Variants in CLNK observed in about 807,000 individuals in gnomAD.
CLNK encodes the protein cytokine dependent hematopoietic cell linker.
CLNK carries 74 observed loss-of-function variants against 68.6 expected under a neutral mutation model. The observed-to-expected ratio is 1.08, with a 90% CI of 0.89 to 1.31. CLNK has a LOEUF of 1.31. Among genes scored for constraint, CLNK ranks in the 50% most tolerant of loss-of-function variants. The pLI, the probability that CLNK is intolerant of heterozygous loss-of-function variation, is 0.00. For missense variants in CLNK, 553 were observed against 515.3 expected, an observed-to-expected ratio of 1.07 and a Z score of -0.71; for synonymous variants, 198 against 172.2, an observed-to-expected ratio of 1.15 and a Z score of -1.17.
chr4:10,630,097 T>G (rs1722827023), intron 2 of CLNK, among the ~76,000 whole-genome samples: 1 of 152,186 alleles, frequency 6.6e-6, no homozygotes, highest in African/African-American at 2.4e-5. Context: ...GAGGATAGCC[T>G]CACTATGCTC....
At chr4:10,678,342 G>T (rs560842471) in intron 1 of CLNK, among the ~76,000 whole-genome samples, 1 of 152,072 alleles carries the variant, frequency 6.6e-6, no homozygotes, top group Non-Finnish European at 1.5e-5. Context: ...AGTATAAACC[G>T]CTATGCAAGA....
At chr4:10,589,446 C>T (rs1336571285) in intron 3 of CLNK, among the ~76,000 whole-genome samples, 2 of 152,166 alleles carry the variant, frequency 1.3e-5, no homozygotes, top group African/African-American at 2.4e-5. Context: ...AGTAATGGTG[C>T]TCATTCATAT....
intron 3 of CLNK, among the ~76,000 whole-genome samples, chr4:10,587,059 C>A (rs1200556245): frequency 1.3e-5 from 2 of 151,898 alleles, no homozygotes; most frequent in Non-Finnish European, 2.9e-5. Context: ...CCGCCTCCCA[C>A]GTTCAAGCCA....
At chr4:10,646,069 A>C (rs1487363362) in intron 2 of CLNK, among the ~76,000 whole-genome samples, 1 of 151,708 alleles carries the variant, frequency 6.6e-6, no homozygotes, top group Non-Finnish European at 1.5e-5. Flanking sequence ...GCCTGGAAAG[A>C]AATAACACCA....
At chr4:10,696,832 C>G in the CLNK span, among the ~76,000 whole-genome samples, 2 of 152,174 alleles carry the variant, frequency 1.3e-5, no homozygotes, top group Admixed American at 1.3e-4. Flanking sequence ...GGCAAGCTCC[C>G]TCTAAGATTG....
intron 11 of CLNK, among the ~76,000 whole-genome samples, chr4:10,535,007 T>C (rs1718688078): frequency 6.6e-6 from 1 of 152,160 alleles, no homozygotes; most frequent in South Asian, 2.1e-4. Context: ...CATACATTTT[T>C]GCGACAGAGA....
chr4:10,644,452 T>C (rs1485170859), intron 2 of CLNK, among the ~76,000 whole-genome samples: 2 of 152,152 alleles, frequency 1.3e-5, no homozygotes, highest in African/African-American at 4.8e-5. Context: ...ATTTTATAGA[T>C]GAGAAAAGTG....
intron 2 of CLNK, among the ~76,000 whole-genome samples, chr4:10,638,950 T>C (rs1723205574): frequency 2.0e-5 from 3 of 152,220 alleles, no homozygotes; most frequent in Non-Finnish European, 4.4e-5. Context: ...AACTTAATGG[T>C]CTCATTTGAA....
At chr4:10,523,521 A>C (rs1358191655) in intron 14 of CLNK, among the ~76,000 whole-genome samples, 1 of 152,200 alleles carries the variant, frequency 6.6e-6, no homozygotes, top group Non-Finnish European at 1.5e-5. Context: ...GTTTGGGAAA[A>C]AGTCCAAGAT....
intron 4 of CLNK, among the ~76,000 whole-genome samples, chr4:10,583,108 A>T (rs752585052): frequency 2.0e-5 from 3 of 152,194 alleles, no homozygotes; most frequent in Non-Finnish European, 4.4e-5. Flanking sequence ...GGATCTGGGA[A>T]TGTTATCAAG....
At chr4:10,663,938 G>C (rs1021451685) in intron 2 of CLNK, among the ~76,000 whole-genome samples, 1 of 152,136 alleles carries the variant, frequency 6.6e-6, no homozygotes, top group African/African-American at 2.4e-5. Context: ...GGCTGTCTAT[G>C]AATCAGGAAG....
chr4:10,698,403 T>A, the CLNK span, among the ~76,000 whole-genome samples: 1 of 152,206 alleles, frequency 6.6e-6, no homozygotes, highest in Non-Finnish European at 1.5e-5. Context: ...ACGCCCTTAG[T>A]AAATGTTAAT....
intron 1 of CLNK, among the ~76,000 whole-genome samples, chr4:10,677,098 A>G (rs1379819418): frequency 6.6e-6 from 1 of 151,312 alleles, no homozygotes; most frequent in East Asian, 1.9e-4. Flanking sequence ...CCATTGCTTG[A>G]TTAATGCATT....
At chr4:10,503,287 C>A (rs1207876957) in intron 17 of CLNK, among the ~76,000 whole-genome samples, 1 of 151,738 alleles carries the variant, frequency 6.6e-6, no homozygotes, top group Non-Finnish European at 1.5e-5. Flanking sequence ...CATGGGGAAA[C>A]CTCATCTCTA....
chr4:10,716,153 GT>G, the CLNK span, among the ~76,000 whole-genome samples: 1 of 152,162 alleles, frequency 6.6e-6, no homozygotes, highest in East Asian at 1.9e-4. Flanking sequence ...TTCTCAAGAA[GT>G]TTCTTCTTTC....
intron 17 of CLNK, among the ~76,000 whole-genome samples, chr4:10,502,430 G>T (rs1472310232): frequency 6.6e-6 from 1 of 151,976 alleles, no homozygotes; most frequent in East Asian, 1.9e-4. Flanking sequence ...TAGACACGTG[G>T]GGATTATGGG....
At chr4:10,648,243 C>A (rs1037716451) in intron 2 of CLNK, among the ~76,000 whole-genome samples, 3 of 152,146 alleles carry the variant, frequency 2.0e-5, no homozygotes, top group African/African-American at 7.2e-5. Flanking sequence ...CATCAGGGGA[C>A]CAGTCTTGTG....
At chr4:10,707,877 G>A in the CLNK span, among the ~76,000 whole-genome samples, 46 of 152,328 alleles carry the variant, frequency 3.0e-4, no homozygotes, top group Middle Eastern at 3.4e-3. Flanking sequence ...GTAAAGAGGC[G>A]ATGATGCCAC....
At chr4:10,508,259 A>G (rs1284311886) in intron 16 of CLNK, among the ~76,000 whole-genome samples, 1 of 152,156 alleles carries the variant, frequency 6.6e-6, no homozygotes, top group African/African-American at 2.4e-5. Flanking sequence ...TCTGAAGTCT[A>G]TGGGAATCTG....
Sources: gnomAD v4.1 joint callset for allele counts (sites outside exome capture counted in the v4.1 genomes callset) on GRCh38, gnomAD v4.1.1 for gene constraint, MANE v1.5 for transcripts, NCBI Gene and HGNC (gene_info 2026-07-23, HGNC 2026-07-21) for gene names.